The following ZNRF1 variants were observed in gnomAD, a reference collection of about 807,000 sequenced individuals.
ZNRF1 encodes the protein E3 ubiquitin-protein ligase ZNRF1.
A neutral mutation model predicts 18.4 loss-of-function variants in ZNRF1; 3 were observed. The observed-to-expected ratio is 0.16, with a 90% CI of 0.07 to 0.42. The LOEUF is 0.42. ZNRF1 is among the 10% of genes least tolerant of loss of function. The probability of loss-of-function intolerance (pLI) is 0.99; values close to 1 mark genes in which losing one functional copy is unlikely to be tolerated. For synonymous variants in ZNRF1, 157 were observed against 144.2 expected (o/e 1.09, Z -0.64); for missense variants, 310 against 329.8 (o/e 0.94, Z 0.47).
chr16:75,058,011 C>G (rs1184268070), intron 1 of ZNRF1, among the ~76,000 whole-genome samples: 1 of 151,960 alleles, frequency 6.6e-6, no homozygotes, highest in Non-Finnish European at 1.5e-5. Flanking sequence ...TGTAAACCTT[C>G]TCAACAAATA....
intron 1 of ZNRF1, among the ~76,000 whole-genome samples, chr16:75,012,385 A>C (rs1490536908): frequency 6.6e-6 from 1 of 152,226 alleles, no homozygotes; most frequent in African/African-American, 2.4e-5. Context: ...CTGTGGACCT[A>C]ATGATGAGAA....
In ZNRF1 at chr16:75,109,076, C is replaced by T. The variant is rs1187674921; in HGVS notation, c.*1376C>T. ...TCCTTCCAGCCTTTGCTCCCCATCC[C>T]ACGTTCCACTCGCCCTGCCTGTTGT... On this transcript the variant is annotated 3_prime_UTR_variant, in exon 5 of 5. Transcript: ENST00000335325. 6 of 152,958 alleles carry T rather than the reference C, an allele frequency of 3.9e-5. No individual in the cohort carries two copies. Among genetic ancestry groups the T allele is most frequent in the Admixed American group, 3.9e-4 (6 of 15,302 alleles). The allele number at this position is 152,958 out of a possible 1,614,324, so 9.5% of individuals were successfully genotyped here. A position where few individuals can be genotyped will look rare whatever the true frequency, so the allele number is the denominator to read the frequency against.
At chr16:75,020,074 T>C (rs1423689720) in intron 1 of ZNRF1, among the ~76,000 whole-genome samples, 2 of 152,240 alleles carry the variant, frequency 1.3e-5, no homozygotes, top group African/African-American at 4.8e-5. Flanking sequence ...ATGACTGAAT[T>C]TGTGAACTTC....
At chr16:75,053,822 T>G (rs1239066393) in intron 1 of ZNRF1, among the ~76,000 whole-genome samples, 1 of 152,184 alleles carries the variant, frequency 6.6e-6, no homozygotes, top group East Asian at 1.9e-4. Flanking sequence ...AAGTCTAGAC[T>G]TTAGAAAAGA....
Position 74,999,190 on chromosome 16 carries a change from AG to A in ZNRF1, c.-478del, listed in dbSNP as rs2034799199. The A allele has an allele frequency of 6.8e-6, 1 of 146,220 alleles. No individual in the cohort carries two copies. Among genetic ancestry groups the A allele is most frequent in the African/African-American group, 2.5e-5 (1 of 40,578 alleles). The allele number at this position is 146,220 out of a possible 1,614,324, so 9.1% of individuals were successfully genotyped here. On this transcript the variant is annotated 5_prime_UTR_variant, in exon 1 of 5. Coordinates refer to ENST00000335325, the MANE Select transcript of ZNRF1 (RefSeq NM_032268.5). The stretch of plus-strand genomic sequence containing the variant: ...GCGCCGCGGCCCGCCCGAGGCCTGG[AG>A]GGGTCCGGGCCGCCGTCCATGGTCG...
intron 2 of ZNRF1, among the ~76,000 whole-genome samples, chr16:75,097,125 C>T (rs747091916): frequency 6.6e-6 from 1 of 152,134 alleles, no homozygotes; most frequent in African/African-American, 2.4e-5. Context: ...CTTTTAATTT[C>T]TCTCCCTTTC....
intron 1 of ZNRF1, among the ~76,000 whole-genome samples, chr16:75,087,848 C>T (rs1008941763): frequency 2.6e-5 from 4 of 152,236 alleles, no homozygotes; most frequent in East Asian, 1.9e-4. Context: ...TGCAAACTTT[C>T]GGCAGACACA....
intron 1 of ZNRF1, among the ~76,000 whole-genome samples, chr16:75,002,684 C>T (rs571456236): frequency 2.0e-5 from 3 of 152,184 alleles, no homozygotes; most frequent in Non-Finnish European, 4.4e-5. Context: ...TGAGCCTTAT[C>T]TTTGTCGTTT....
chr16:75,000,181 T>C, intron 1 of ZNRF1, 86 bp downstream of exon 1: 2 of 1,513,328 alleles, frequency 1.3e-6, no homozygotes, highest in Non-Finnish European at 9.0e-7. Flanking sequence ...TTTGGGAATG[T>C]AGTGCACGAC....
chr16:75,007,657 C>T (rs1014138282), intron 1 of ZNRF1, among the ~76,000 whole-genome samples: 6 of 152,142 alleles, frequency 3.9e-5, no homozygotes, highest in Admixed American at 2.0e-4. Flanking sequence ...AGGTAGTTAA[C>T]GATGCAGATG....
chr16:75,026,957 A>G (rs986254563), intron 1 of ZNRF1, among the ~76,000 whole-genome samples: 1 of 151,892 alleles, frequency 6.6e-6, no homozygotes, highest in Non-Finnish European at 1.5e-5. Context: ...CATTTATTTC[A>G]TCTTATTAAG....
chr16:75,087,658 A>G (rs954027076), intron 1 of ZNRF1, among the ~76,000 whole-genome samples: 9 of 152,192 alleles, frequency 5.9e-5, no homozygotes, highest in Admixed American at 4.6e-4. Context: ...CACATTCCCC[A>G]CAATGCTCTG....
intron 1 of ZNRF1, among the ~76,000 whole-genome samples, chr16:75,016,398 C>G (rs992598897): frequency 1.3e-5 from 2 of 151,750 alleles, no homozygotes; most frequent in African/African-American, 4.8e-5. Flanking sequence ...GCCACCACAC[C>G]CTACTAATTT....
At chr16:75,092,683 G>A (rs947500644) in intron 1 of ZNRF1, among the ~76,000 whole-genome samples, 1 of 152,208 alleles carries the variant, frequency 6.6e-6, no homozygotes, top group Non-Finnish European at 1.5e-5. Flanking sequence ...GTACAATTCT[G>A]TATCAGTTGA....
intron 1 of ZNRF1, among the ~76,000 whole-genome samples, chr16:75,072,561 G>A (rs1173620013): frequency 6.6e-6 from 1 of 152,158 alleles, no homozygotes; most frequent in Non-Finnish European, 1.5e-5. Flanking sequence ...GCAGTTAATT[G>A]GAGAAAGTGG....
intron 1 of ZNRF1, among the ~76,000 whole-genome samples, chr16:75,089,255 A>C (rs1382695532): frequency 6.6e-6 from 1 of 151,496 alleles, no homozygotes; most frequent in Admixed American, 6.6e-5. Flanking sequence ...GGCATGCACC[A>C]CCATGCCCAG....
intron 1 of ZNRF1, among the ~76,000 whole-genome samples, chr16:75,031,973 G>A (rs1300127658): frequency 6.6e-6 from 1 of 152,082 alleles, no homozygotes; most frequent in African/African-American, 2.4e-5. Context: ...GTATATAAGG[G>A]TTCTGATTCT....
At chr16:75,056,591 A>G (rs1377269143) in intron 1 of ZNRF1, among the ~76,000 whole-genome samples, 1 of 151,676 alleles carries the variant, frequency 6.6e-6, no homozygotes, top group East Asian at 1.9e-4. Context: ...AGGATAGATC[A>G]TTTTCATTTC....
At chr16:75,098,220 G>A (rs1465275933) in intron 2 of ZNRF1, among the ~76,000 whole-genome samples, 1 of 152,236 alleles carries the variant, frequency 6.6e-6, no homozygotes, top group Non-Finnish European at 1.5e-5. Context: ...GCTGCTGGGT[G>A]TATGAGGAGC....
Sources: allele counts gnomAD v4.1 joint callset (sites outside exome capture counted in the v4.1 genomes callset), GRCh38; gene constraint gnomAD v4.1.1; transcripts MANE v1.5; gene names NCBI Gene and HGNC (gene_info 2026-07-23, HGNC 2026-07-21).